Variants in ZFAT observed in about 807,000 individuals in gnomAD.
ZFAT encodes zinc finger protein ZFAT.
In ZFAT, 64 loss-of-function variants were observed where a neutral mutation model predicts 117.7. The observed-to-expected ratio is 0.54, with a 90% confidence interval of 0.44 to 0.67. The LOEUF (loss-of-function observed/expected upper bound fraction) is 0.67. Ranked by LOEUF, ZFAT falls within the 30% of genes least tolerant of loss-of-function variation. The probability of loss-of-function intolerance (pLI) is 0.00; values close to 1 mark genes in which losing one functional copy is unlikely to be tolerated. For synonymous variants in ZFAT, 679 were observed against 615.0 expected (o/e 1.10, Z -1.54); for missense variants, 1,433 against 1,584.5 (o/e 0.90, Z 1.62).
intron 1 of ZFAT, among the ~76,000 whole-genome samples, chr8:134,660,469 C>T (rs2131216598): frequency 6.6e-6 from 1 of 152,346 alleles, no homozygotes; most frequent in South Asian, 2.1e-4. Context: ...TGGGCCCCAC[C>T]CCAGACACTG....
At chr8:134,642,956 C>T (rs1830668764) in intron 2 of ZFAT, among the ~76,000 whole-genome samples, 1 of 152,268 alleles carries the variant, frequency 6.6e-6, no homozygotes, top group African/African-American at 2.4e-5. Context: ...CAGACTGCAT[C>T]CTGTTCCACA....
intron 15 of ZFAT, among the ~76,000 whole-genome samples, chr8:134,479,413 A>T (rs1297819561): frequency 1.3e-5 from 2 of 152,194 alleles, no homozygotes; most frequent in Non-Finnish European, 2.9e-5. Flanking sequence ...CTTTCTCTGA[A>T]GCTCCAAGCT....
rs764467230 is a variant in ZFAT, at chr8:134,565,384, C to T, written c.2925G>A (p.Ala975=). The T allele has an allele frequency of 7.4e-6, 12 of 1,613,778 alleles. No homozygotes were observed. Among genetic ancestry groups the T allele is most frequent in the East Asian group, 4.5e-5 (2 of 44,902 alleles). The part of the protein sequence containing the change: ...QFKCTVCDYT[A]AQKPQLLRHM... ...GCCGCAGCAGCTGTGGCTTCTGGGC[C>T]GCTGTGTAGTCACACACCGTGCACT... The change falls in exon 11 of 16, where the codon GCG becomes GCA. Residue 975 remains alanine (A), a synonymous_variant. Coordinates refer to ENST00000377838, the MANE Select transcript of ZFAT (RefSeq NM_020863.4).
intron 1 of ZFAT, among the ~76,000 whole-genome samples, chr8:134,700,869 C>T (rs376175777): frequency 1.3e-5 from 2 of 152,156 alleles, no homozygotes; most frequent in Non-Finnish European, 2.9e-5. Flanking sequence ...GACCCTTGTA[C>T]AAGTGAGTAA....
the ZFAT span, among the ~76,000 whole-genome samples, chr8:134,721,710 C>G: frequency 6.6e-6 from 1 of 152,274 alleles, no homozygotes; most frequent in Middle Eastern, 3.4e-3. Context: ...TCTTCCCAGG[C>G]AAGTTAATGG....
intron 12 of ZFAT, among the ~76,000 whole-genome samples, chr8:134,521,240 G>A (rs956783589): frequency 1.3e-5 from 2 of 149,734 alleles, no homozygotes; most frequent in African/African-American, 4.8e-5. Context: ...TTTGTAGACA[G>A]CCCAATATGT....
At chr8:134,702,684 T>C (rs1222724390) in intron 1 of ZFAT, among the ~76,000 whole-genome samples, 4 of 151,896 alleles carry the variant, frequency 2.6e-5, no homozygotes, top group South Asian at 4.2e-4. Flanking sequence ...TTTTTCTTTT[T>C]TTTTTGAGAC....
chr8:134,819,912 G>C, the ZFAT span, among the ~76,000 whole-genome samples: 1 of 152,036 alleles, frequency 6.6e-6, no homozygotes, highest in East Asian at 1.9e-4. Context: ...CCAAGGTTTT[G>C]TTTCTTTAAA....
At chr8:134,690,807 G>A (rs1307522173) in intron 1 of ZFAT, among the ~76,000 whole-genome samples, 1 of 152,070 alleles carries the variant, frequency 6.6e-6, no homozygotes, top group East Asian at 1.9e-4. Flanking sequence ...GTTTTTATTA[G>A]GAGAAAAAAG....
At chr8:134,697,454 G>A (rs1311358827) in intron 1 of ZFAT, among the ~76,000 whole-genome samples, 3 of 149,130 alleles carry the variant, frequency 2.0e-5, no homozygotes, top group Non-Finnish European at 1.5e-5. Context: ...CCAGCCTGGC[G>A]CGGTGGCTCA....
At chr8:134,785,359 T>C in the ZFAT span, 1 of 152,154 alleles carries the variant, frequency 6.6e-6, no homozygotes, top group Admixed American at 6.6e-5. Context: ...TACTTAAGTT[T>C]CTAGTTTTAA....
chr8:134,755,400 ACT>A, the ZFAT span, among the ~76,000 whole-genome samples: 1 of 137,782 alleles, frequency 7.3e-6, no homozygotes, highest in Non-Finnish European at 1.5e-5. Flanking sequence ...CGACAGTGAG[ACT>A]CTGTCTCAAA....
chr8:134,706,197 CA>C (rs1834147774), intron 1 of ZFAT, among the ~76,000 whole-genome samples: 2 of 152,170 alleles, frequency 1.3e-5, no homozygotes, highest in Admixed American at 6.5e-5. Context: ...TAAATATCCA[CA>C]AAAAGGCTTG....
At chr8:134,495,972 T>C (rs1818407398) in intron 15 of ZFAT, among the ~76,000 whole-genome samples, 1 of 151,814 alleles carries the variant, frequency 6.6e-6, no homozygotes, top group Non-Finnish European at 1.5e-5. Flanking sequence ...CCTGGACTCC[T>C]GATGCCAAGC....
the ZFAT span, chr8:134,804,863 C>G: frequency 5.6e-6 from 3 of 534,288 alleles, no homozygotes; most frequent in Admixed American, 5.8e-5. Context: ...AAGAGGATGT[C>G]TGTGAATAGC....
At chr8:134,830,023 CT>C in the ZFAT span, among the ~76,000 whole-genome samples, 2 of 152,176 alleles carry the variant, frequency 1.3e-5, no homozygotes, top group Non-Finnish European at 2.9e-5. Flanking sequence ...GCCCAAATCA[CT>C]TTCCCATGTG....
chr8:134,777,003 C>A, the ZFAT span, among the ~76,000 whole-genome samples: 1 of 152,204 alleles, frequency 6.6e-6, no homozygotes, highest in Non-Finnish European at 1.5e-5. Context: ...CCCACATATT[C>A]TCATTTAAGG....
rs77872581 is a variant in ZFAT at position 134,508,233 on chromosome 8, C to T, written c.3492+1386G>A. 4.7e-3 allele frequency among the ~76,000 whole-genome samples: 723 copies of T among 152,340 alleles called. 5 individuals are homozygous for T. The highest frequency in any genetic ancestry group is 0.017 in the African/African-American group (698 of 41,588). ...ACTTACTAATTCCCCCAGAGAACTACTTGGCCTGAATTTCATGCTTTGCAT... is the reference window on the plus strand; with the variant it reads ...ACTTACTAATTCCCCCAGAGAACTATTTGGCCTGAATTTCATGCTTTGCAT... On this transcript the variant is annotated intron_variant, in intron 15 of 15. Transcript: ENST00000377838.
At chr8:134,605,155 G>C (rs891474483) in intron 5 of ZFAT, among the ~76,000 whole-genome samples, 9 of 152,228 alleles carry the variant, frequency 5.9e-5, no homozygotes, top group African/African-American at 2.2e-4. Context: ...GACTGTGACA[G>C]TGAACTGATG....
Sources: gnomAD v4.1 joint callset for allele counts (sites outside exome capture counted in the v4.1 genomes callset) on GRCh38, gnomAD v4.1.1 for gene constraint, MANE v1.5 for transcripts, NCBI Gene and HGNC (gene_info 2026-07-23, HGNC 2026-07-21) for gene names.